CLVS1: variants seen among roughly 807,000 people sequenced by gnomAD.
CLVS1 encodes the protein clavesin-1.
Under a neutral mutation model 33.1 loss-of-function variants are expected in CLVS1, and 10 were observed. The ratio of observed to expected loss-of-function variants is 0.30; its 90% CI spans 0.19 to 0.51. CLVS1 has a LOEUF of 0.51. Ranked by LOEUF, CLVS1 falls within the 20% of genes least tolerant of loss-of-function variation. The pLI, the probability that CLVS1 is intolerant of heterozygous loss-of-function variation, is 0.97. For synonymous variants in CLVS1, 163 were observed against 166.1 expected, an observed-to-expected ratio of 0.98 and a Z score of 0.14; for missense variants, 343 against 433.4, an observed-to-expected ratio of 0.79 and a Z score of 1.85.
chr8:61,428,854 C>T (rs1815998954), intron 3 of CLVS1, among the ~76,000 whole-genome samples: 2 of 152,210 alleles, frequency 1.3e-5, no homozygotes, highest in Admixed American at 6.5e-5. Context: ...TGAAAAGAAT[C>T]TGTGTATAAA....
chr8:61,381,893 T>C lies in CLVS1; in HGVS notation c.630+5114T>C, dbSNP rs150772801. Among the ~76,000 whole-genome samples, 12 of 152,322 alleles carry C rather than the reference T, an allele frequency of 7.9e-5. No individual in the cohort carries two copies. The East Asian group carries it at 1.9e-3, about 24-fold the overall frequency. ...CTTTGCTATTGTGATAGGGCTGTGA[T>C]GAACATATGCATGCATGTGCCTTTG... On this transcript the variant is annotated intron_variant, in intron 3 of 5. Transcript: ENST00000325897.
chr8:61,150,764 C>T (rs1340870886), intron 2 of CLVS1, among the ~76,000 whole-genome samples: 1 of 152,206 alleles, frequency 6.6e-6, no homozygotes, highest in East Asian at 1.9e-4. Context: ...GAAGCTGTGG[C>T]TCGAACTGGC....
intron 2 of CLVS1, among the ~76,000 whole-genome samples, chr8:61,234,566 C>T (rs1025728038): frequency 2.6e-5 from 4 of 152,140 alleles, no homozygotes; most frequent in African/African-American, 4.8e-5. Context: ...TTTCTACACG[C>T]TATCCCGTTG....
chr8:61,026,028 T>G, the CLVS1 span, among the ~76,000 whole-genome samples: 23 of 109,394 alleles, frequency 2.1e-4, no homozygotes, highest in South Asian at 9.1e-4. Flanking sequence ...CCCACCCCCC[T>G]TCCCTCCCCC....
At chr8:61,267,748 C>A (rs1809341108) in intron 2 of CLVS1, among the ~76,000 whole-genome samples, 1 of 152,112 alleles carries the variant, frequency 6.6e-6, no homozygotes. Flanking sequence ...GGGTTTATTG[C>A]CTGTTTATAT....
intron 4 of CLVS1, among the ~76,000 whole-genome samples, chr8:61,457,331 C>T (rs1397903713): frequency 1.3e-5 from 2 of 152,128 alleles, no homozygotes; most frequent in Admixed American, 6.5e-5. Context: ...TTATGTGTTA[C>T]ACATAATTAC....
intron 2 of CLVS1, among the ~76,000 whole-genome samples, chr8:61,360,192 C>T (rs1252884059): frequency 6.6e-6 from 1 of 152,188 alleles, no homozygotes; most frequent in Non-Finnish European, 1.5e-5. Context: ...ACTGCATTAA[C>T]AGGCCTTCCT....
chr8:61,483,255 A>C (rs7461359), intron 5 of CLVS1, among the ~76,000 whole-genome samples: 1 of 152,068 alleles, frequency 6.6e-6, no homozygotes, highest in Non-Finnish European at 1.5e-5. Context: ...AATGACAAAA[A>C]GGATATCACC....
At chr8:61,067,032 G>A (rs1211113649) in intron 1 of CLVS1, among the ~76,000 whole-genome samples, 1 of 152,044 alleles carries the variant, frequency 6.6e-6, no homozygotes. Context: ...AAATGGGGGG[G>A]GAGGGCAATG....
At chr8:61,183,114 G>A (rs1807271917) in intron 2 of CLVS1, among the ~76,000 whole-genome samples, 1 of 150,924 alleles carries the variant, frequency 6.6e-6, no homozygotes, top group South Asian at 2.1e-4. Context: ...CATGGGCACA[G>A]GGAGGGGAAC....
At position 61,500,087 on chromosome 8, in the gene CLVS1, A is replaced by G. The variant is rs529428471; in HGVS notation, c.*545A>G. 1 of 152,832 alleles carries G rather than the reference A, an allele frequency of 6.5e-6. No individual in the cohort carries two copies. The highest frequency in any genetic ancestry group is 1.5e-5 in the Non-Finnish European group (1 of 68,108). 9.5% of individuals were successfully genotyped at this position (152,832 alleles called of 1,614,324 possible). On this transcript the variant is annotated 3_prime_UTR_variant, in exon 6 of 6. Transcript: ENST00000325897. ...GCATCGAATTGTTCAGCCTAAGAGC[A>G]TGTTCTCATAGGTCTGGGTATTTGC...
intron 2 of CLVS1, among the ~76,000 whole-genome samples, chr8:61,338,964 C>CTGTGTGTG (rs10608173): frequency 2.0e-4 from 29 of 148,622 alleles, no homozygotes; most frequent in African/African-American, 7.0e-4. Flanking sequence ...AAAGGGAACA[C>CTGTGTGTG]TGTGTGTGTG....
At chr8:61,116,736 G>A (rs1249689640) in intron 1 of CLVS1, among the ~76,000 whole-genome samples, 1 of 144,414 alleles carries the variant, frequency 6.9e-6, no homozygotes. Context: ...CTATATCTCT[G>A]TTTTGGTACC....
chr8:61,419,287 CTCAGGAGGCTGCGGCAGGAGAATCGCT>C (rs1815559706), intron 3 of CLVS1, among the ~76,000 whole-genome samples: 1 of 151,384 alleles, frequency 6.6e-6, no homozygotes, highest in African/African-American at 2.4e-5. Context: ...ATCCCAGCTA[CTCAGGAGGCTGCGGCAGGAGAATCGCT>C]TGAACCCAGG....
intron 2 of CLVS1, among the ~76,000 whole-genome samples, chr8:61,359,186 C>G (rs1246203609): frequency 6.6e-6 from 1 of 152,162 alleles, no homozygotes; most frequent in African/African-American, 2.4e-5. Context: ...ACCAACCACA[C>G]TAGCTCAAAG....
At chr8:61,429,681 C>T (rs1418123948) in intron 3 of CLVS1, among the ~76,000 whole-genome samples, 3 of 152,100 alleles carry the variant, frequency 2.0e-5, no homozygotes, top group Non-Finnish European at 4.4e-5. Context: ...TATCCAAAAG[C>T]ATTTCTGAAA....
intron 2 of CLVS1, among the ~76,000 whole-genome samples, chr8:61,354,872 T>A (rs1003763522): frequency 7.9e-5 from 12 of 152,174 alleles, no homozygotes; most frequent in Non-Finnish European, 1.3e-4. Context: ...TTGGGATGGA[T>A]CTGTTTAGTA....
chr8:61,448,835 A>T (rs1224989918), intron 3 of CLVS1, among the ~76,000 whole-genome samples: 3 of 152,118 alleles, frequency 2.0e-5, no homozygotes, highest in African/African-American at 7.2e-5. Context: ...CTGTTGAAAC[A>T]TTGTTCGTGA....
At chr8:61,027,655 G>T in the CLVS1 span, among the ~76,000 whole-genome samples, 9 of 152,196 alleles carry the variant, frequency 5.9e-5, no homozygotes, top group South Asian at 1.9e-3. Flanking sequence ...TCCTTACTGA[G>T]TGTTATTCTC....
Sources: allele counts gnomAD v4.1 joint callset (sites outside exome capture counted in the v4.1 genomes callset), GRCh38; gene constraint gnomAD v4.1.1; transcripts MANE v1.5; gene names NCBI Gene and HGNC (gene_info 2026-07-23, HGNC 2026-07-21).